Variants in ALDH2 observed in about 807,000 individuals in gnomAD.
ALDH2 encodes the protein aldehyde dehydrogenase 2 family member, also known as aldehyde dehydrogenase, mitochondrial.
ALDH2 carries 44 observed loss-of-function variants against 59.6 expected under a neutral mutation model. The ratio of observed to expected loss-of-function variants is 0.74; its 90% confidence interval spans 0.58 to 0.95. The LOEUF is 0.95. Among genes scored for constraint, ALDH2 ranks in the 40% least tolerant of loss-of-function variants. The pLI, the probability that ALDH2 is intolerant of heterozygous loss-of-function variation, is 0.00. For synonymous variants in ALDH2, 291 were observed against 284.0 expected (o/e 1.02, Z -0.25); for missense variants, 570 against 696.3 (o/e 0.82, Z 2.04).
At chr12:111,803,395 C>T (rs1253599035) in intron 11 of ALDH2, among the ~76,000 whole-genome samples, 1 of 150,064 alleles carries the variant, frequency 6.7e-6, no homozygotes, top group Non-Finnish European at 1.5e-5. Flanking sequence ...GCCAGGAGTT[C>T]GAGACCAGCC....
rs1334924970 is a variant in ALDH2 at position 111,766,977 on chromosome 12, G to A, written c.-6G>A. 4 of 1,520,708 alleles carry A rather than the reference G, an allele frequency of 2.6e-6. No individual in the cohort carries two copies. The highest frequency in any genetic ancestry group is 3.5e-6 in the Non-Finnish European group (4 of 1,140,850). The allele number at this position is 1,520,708 out of a possible 1,614,324, so 94.2% of individuals were successfully genotyped here. ...CGGTCCGCTCGCTGTCCGCTAGCCC[G>A]CTGCGATGTTGCGCGCTGCCGCCCG... On this transcript the variant is annotated 5_prime_UTR_variant, in exon 1 of 13. Coordinates refer to ENST00000261733, the MANE Select transcript of ALDH2 (RefSeq NM_000690.4).
intron 11 of ALDH2, among the ~76,000 whole-genome samples, chr12:111,803,520 A>G (rs2068470375): frequency 6.6e-6 from 1 of 151,994 alleles, no homozygotes; most frequent in East Asian, 1.9e-4. Flanking sequence ...CAGGAGGATC[A>G]CTGAAGACCA....
At chr12:111,780,622 C>A (rs931970762) in intron 1 of ALDH2, among the ~76,000 whole-genome samples, 2 of 152,186 alleles carry the variant, frequency 1.3e-5, no homozygotes, top group Non-Finnish European at 2.9e-5. Context: ...CTCTACCCCC[C>A]ACCTTAGTCA....
intron 4 of ALDH2, among the ~76,000 whole-genome samples, chr12:111,786,209 A>G (rs898602061): frequency 2.6e-5 from 4 of 152,134 alleles, no homozygotes; most frequent in African/African-American, 4.8e-5. Context: ...TGGTTTAATC[A>G]AAAATGTTTG....
At chr12:111,802,839 C>T (rs1159452230) in intron 11 of ALDH2, among the ~76,000 whole-genome samples, 6 of 147,774 alleles carry the variant, frequency 4.1e-5, no homozygotes, top group Non-Finnish European at 4.4e-5. Flanking sequence ...GAGATCGCAC[C>T]ACTGCACTCC....
chr12:111,784,175 A>G (rs1376863880), intron 3 of ALDH2, among the ~76,000 whole-genome samples: 1 of 152,222 alleles, frequency 6.6e-6, no homozygotes, highest in Non-Finnish European at 1.5e-5. Flanking sequence ...CTAGCTGAGT[A>G]TGGTGGCATA....
At chr12:111,781,089 GT>G (rs1324086113) in intron 1 of ALDH2, among the ~76,000 whole-genome samples, 3 of 152,086 alleles carry the variant, frequency 2.0e-5, no homozygotes, top group African/African-American at 7.2e-5. Flanking sequence ...AGCCTGGGCA[GT>G]GGAGTGAGAC....
At chr12:111,777,605 C>A (rs895597182) in intron 1 of ALDH2, among the ~76,000 whole-genome samples, 5 of 152,174 alleles carry the variant, frequency 3.3e-5, no homozygotes, top group African/African-American at 1.2e-4. Context: ...CCGCCCCCCA[C>A]GCCCGTGAGC....
At chr12:111,783,346 C>A (rs2068287845) in intron 3 of ALDH2, 48 bp downstream of exon 3, 3 of 1,558,392 alleles carry the variant, frequency 1.9e-6, no homozygotes, top group Non-Finnish European at 1.7e-6. Context: ...GGTGAATAGG[C>A]TCGCAGCATC....
intron 11 of ALDH2, among the ~76,000 whole-genome samples, chr12:111,803,015 AC>A (rs1360995486): frequency 6.6e-6 from 1 of 151,300 alleles, no homozygotes; most frequent in African/African-American, 2.4e-5. Flanking sequence ...ACATGGTGAA[AC>A]CCTGTCTCTA....
At chr12:111,804,394 G>C (rs1721829402) in intron 12 of ALDH2, among the ~76,000 whole-genome samples, 2 of 152,190 alleles carry the variant, frequency 1.3e-5, no homozygotes, top group Admixed American at 1.3e-4. Context: ...AGAGACTTCA[G>C]GGGGCGGAGC....
At chr12:111,788,125 G>A (rs953488913) in intron 4 of ALDH2, among the ~76,000 whole-genome samples, 3 of 152,086 alleles carry the variant, frequency 2.0e-5, no homozygotes, top group South Asian at 2.1e-4. Context: ...CAGGAGAACC[G>A]CTTGAACCTG....
Position 111,783,207 on chromosome 12 carries a change from G to A in ALDH2, c.269G>A (p.Gly90Asp), listed in dbSNP as rs758376495. 3.1e-6 allele frequency: 5 copies of A among 1,613,242 alleles called. No homozygotes were observed. The highest frequency in any genetic ancestry group is 4.2e-6 in the Non-Finnish European group (5 of 1,179,560). Residue 90 changes from glycine to aspartate, a missense_variant, in exon 3 of 13, where the codon GGC becomes GAC. Transcript: ENST00000261733. Reference protein sequence around the residue: ...VKAARAAFQLGSPWRRMDASH... With the variant: ...VKAARAAFQLDSPWRRMDASH... ...GCCGCCCGGGCCGCCTTCCAGCTGG[G>A]CTCACCTTGGCGCCGCATGGACGCA... is the stretch of plus-strand genomic sequence containing the variant.
At chr12:111,803,722 G>A (rs955663728) in intron 11 of ALDH2, 137 bp from the exon 12 acceptor site, 1 of 393,694 alleles carries the variant, frequency 2.5e-6, no homozygotes, top group Non-Finnish European at 4.3e-6. Flanking sequence ...GGGCAACAGA[G>A]AAAGATTCTA....
chr12:111,810,605 ATTTTTTTTTT>A lies in ALDH2; in HGVS notation c.*1041_*1050del, dbSNP rs911026675. ...GATACTGAATGTCCAATGTTCTCAA[ATTTTTTTTTT>A]TTTTTTTTTTGAGACAGGGTCTTGC... On this transcript the variant is annotated 3_prime_UTR_variant, in exon 13 of 13. Transcript: ENST00000261733. 1 of 137,644 alleles carries A rather than the reference ATTTTTTTTTT, an allele frequency of 7.3e-6. No individual in the cohort carries two copies. Among genetic ancestry groups the A allele is most frequent in the Non-Finnish European group, 1.6e-5 (1 of 63,052 alleles). The allele number at this position is 137,644 out of a possible 1,614,324, so 8.5% of individuals were successfully genotyped here.
chr12:111,768,228 G>C (rs571234717), intron 1 of ALDH2, among the ~76,000 whole-genome samples: 63 of 152,274 alleles, frequency 4.1e-4, no homozygotes, highest in African/African-American at 1.5e-3. Flanking sequence ...GGTATGTTGT[G>C]ACTCTGGGTG....
chr12:111,797,960 C>A, intron 9 of ALDH2, 118 bp from the exon 10 acceptor site: 1 of 1,245,380 alleles, frequency 8.0e-7, no homozygotes, highest in Non-Finnish European at 1.1e-6. Context: ...TCTGATCTTG[C>A]TTTCTTATGA....
At chr12:111,793,913 C>T (rs1024027336) in intron 9 of ALDH2, among the ~76,000 whole-genome samples, 8 of 151,764 alleles carry the variant, frequency 5.3e-5, no homozygotes, top group Non-Finnish European at 1.2e-4. Flanking sequence ...TGTATGATAC[C>T]ATCATTCTAG....
chr12:111,801,663 C>T (rs764628165), intron 11 of ALDH2, among the ~76,000 whole-genome samples: 9 of 149,824 alleles, frequency 6.0e-5, no homozygotes, highest in East Asian at 2.0e-4. Flanking sequence ...CATGCCACTG[C>T]GCTCCAGCCT....
Sources: gnomAD v4.1 joint callset for allele counts (sites outside exome capture counted in the v4.1 genomes callset) on GRCh38, gnomAD v4.1.1 for gene constraint, MANE v1.5 for transcripts, NCBI Gene and HGNC (gene_info 2026-07-23, HGNC 2026-07-21) for gene names.